RGPD1: variants seen among roughly 807,000 people sequenced by gnomAD.
RGPD1 encodes RANBP2-like and GRIP domain-containing protein 1.
RGPD1 carries 7 observed loss-of-function variants against 40.6 expected under a neutral mutation model. The ratio of observed to expected loss-of-function variants is 0.17; its 90% confidence interval spans 0.10 to 0.32. RGPD1 has a LOEUF of 0.32. Ranked by LOEUF, RGPD1 falls within the 10% of genes least tolerant of loss-of-function variation. The pLI is 1.00. For missense variants in RGPD1, 50 were observed against 472.5 expected (o/e 0.11, Z 8.29); for synonymous variants, 24 against 167.0 (o/e 0.14, Z 6.60).
intron 1 of RGPD1, among the ~76,000 whole-genome samples, chr2:86,932,025 A>G (rs1240102664): frequency 2.0e-5 from 3 of 148,332 alleles, no homozygotes; most frequent in African/African-American, 7.3e-5. Flanking sequence ...CAGAGAAGAT[A>G]ATAATATATT....
At position 86,993,169 on chromosome 2, in the gene RGPD1, C is replaced by T. The variant is rs551970584; in HGVS notation, c.4901-1672C>T. On this transcript the variant is annotated intron_variant, in intron 20 of 22. Coordinates refer to ENST00000641458, the MANE Select transcript of RGPD1 (RefSeq NM_001382344.1). ...AAAAAAAATCTAATAGGCCCAGTTTCCTCTCAGCAATCTTTGAAGAACCTT... is the reference window on the plus strand; with the variant it reads ...AAAAAAAATCTAATAGGCCCAGTTTTCTCTCAGCAATCTTTGAAGAACCTT... Among the ~76,000 whole-genome samples the T allele has an allele frequency of 2.6e-5, 4 of 152,286 alleles. No individual in the cohort carries two copies. The South Asian group carries it at 8.3e-4, about 32-fold the overall frequency.
chr2:86,930,753 A>C, intron 1 of RGPD1: 2 of 1,436,690 alleles, frequency 1.4e-6, no homozygotes, highest in Non-Finnish European at 1.9e-6. Context: ...GGCCCGAGCC[A>C]TACCTCCACC....
chr2:86,940,950 C>A (rs1679694456), upstream of RGPD1, among the ~76,000 whole-genome samples: 1 of 152,112 alleles, frequency 6.6e-6, no homozygotes, highest in Admixed American at 6.5e-5. Context: ...TCATCTTTTT[C>A]TTTTCTTTTA....
chr2:86,944,032 A>G (rs534521221), intron 1 of RGPD1, among the ~76,000 whole-genome samples: 2 of 152,210 alleles, frequency 1.3e-5, no homozygotes, highest in African/African-American at 4.8e-5. Context: ...AAAAAACCAA[A>G]AAACGGAAAC....
At chr2:86,929,578 A>G (rs1273704327) in intron 1 of RGPD1, among the ~76,000 whole-genome samples, 2 of 148,060 alleles carry the variant, frequency 1.4e-5, no homozygotes, top group Admixed American at 6.7e-5. Context: ...AGGTCCTATT[A>G]TTAGGCGCCC....
At chr2:86,923,077 T>G (rs1466171875) in intron 1 of RGPD1, among the ~76,000 whole-genome samples, 1 of 142,240 alleles carries the variant, frequency 7.0e-6, no homozygotes, top group Non-Finnish European at 1.5e-5. Context: ...TCGTTCTTGT[T>G]GCCCGGGATG....
intron 1 of RGPD1, among the ~76,000 whole-genome samples, chr2:86,945,709 C>T (rs1449902085): frequency 6.6e-6 from 1 of 151,224 alleles, no homozygotes; most frequent in African/African-American, 2.4e-5. Context: ...GAAAATCCGT[C>T]TCTATTAAAA....
rs1315932754 is a variant in RGPD1, at chr2:86,942,937, C to T, written c.72+629C>T. On this transcript the variant is annotated intron_variant, in intron 1 of 22. Transcript: ENST00000641458. ...TGCTCGCTCGTGGGCCCGCCCTGGC[C>T]CGGGCTTTCTGGCCCCATAGTACCC... is the stretch of plus-strand genomic sequence containing the variant. Among the ~76,000 whole-genome samples the T allele has an allele frequency of 6.6e-5, 10 of 152,080 alleles. 1 individual carries two copies. The East Asian group carries it at 1.9e-3, about 30-fold the overall frequency.
Position 86,942,126 on chromosome 2 carries a change from G to T in RGPD1, c.-111G>T. On this transcript the variant is annotated 5_prime_UTR_variant, in exon 1 of 23. Transcript: ENST00000641458. ...CGCAGTACACAAGTGCGTCACAGTG[G>T]TCCTCCGCCGGCTACGTCAGTGGCT... 7.0e-7 allele frequency: 1 copy of T among 1,430,370 alleles called. No homozygotes were observed. Among genetic ancestry groups the T allele is most frequent in the Non-Finnish European group, 9.4e-7 (1 of 1,060,856 alleles). The allele number at this position is 1,430,370 out of a possible 1,614,324, so 88.6% of individuals were successfully genotyped here. A position where few individuals can be genotyped will look rare whatever the true frequency, so the allele number is the denominator to read the frequency against.
intron 1 of RGPD1, among the ~76,000 whole-genome samples, chr2:86,932,977 G>T (rs1447343371): frequency 6.9e-6 from 1 of 145,584 alleles, no homozygotes; most frequent in Non-Finnish European, 1.5e-5. Flanking sequence ...TTGCTAGATT[G>T]TTCCTATGAT....
rs559080490 is a variant in RGPD1, at chr2:86,934,678, G to A, written c.73-16618G>A. 94 of 193,894 alleles carry A rather than the reference G, an allele frequency of 4.8e-4. 3 individuals are homozygous for A. In the East Asian group the frequency reaches 0.012, roughly 24 times the overall value. 12.0% of individuals were successfully genotyped at this position (193,894 alleles called of 1,614,324 possible). A position where few individuals can be genotyped will look rare whatever the true frequency, so the allele number is the denominator to read the frequency against. On this transcript the variant is annotated intron_variant, in intron 1 of 22. Transcript: ENST00000398193. ...AAGGCAGGATTTTCGATGAGCCCTC[G>A]GCAGTTAGGGTAAGCAGGTTTCAGC...
At chr2:86,913,978 C>CTGGCCGGGCGGCGGCCTCGACA in intron 1 of RGPD1, 1 of 1,098,228 alleles carries the variant, frequency 9.1e-7, no homozygotes, top group African/African-American at 2.0e-5. Flanking sequence ...TGGCCTCGAC[C>CTGGCCGGGCGGCGGCCTCGACA]TGGCCGGGCG....
intron 1 of RGPD1, among the ~76,000 whole-genome samples, chr2:86,942,631 G>A (rs1166598691): frequency 7.2e-6 from 1 of 138,258 alleles, no homozygotes; most frequent in Non-Finnish European, 1.6e-5. Context: ...GGCGCGCTCT[G>A]TTGAGGCGCC....
intron 1 of RGPD1, among the ~76,000 whole-genome samples, chr2:86,929,689 CT>C (rs753911867): frequency 0.027 from 1,408 of 52,626 alleles, 23 homozygotes; most frequent in Admixed American, 0.062. Flanking sequence ...AGCCCACACT[CT>C]TTTTTTTTTT....
chr2:86,940,940 T>C (rs1679692748), upstream of RGPD1, among the ~76,000 whole-genome samples: 1 of 152,232 alleles, frequency 6.6e-6, no homozygotes, highest in Non-Finnish European at 1.5e-5. Context: ...AAGCTCAGAA[T>C]CATCTTTTTC....
intron 8 of RGPD1, among the ~76,000 whole-genome samples, chr2:86,971,184 G>A (rs1210735986): frequency 3.9e-5 from 2 of 50,718 alleles, no homozygotes; most frequent in South Asian, 1.5e-3. Flanking sequence ...ACAGGCGCCC[G>A]CCACCAGGGC....
At chr2:86,938,615 TAAATA>T (rs1380875051), upstream of RGPD1, among the ~76,000 whole-genome samples, 4 of 150,456 alleles carry the variant, frequency 2.7e-5, no homozygotes, top group Admixed American at 6.6e-5. Context: ...AAAAAAAAAA[TAAATA>T]AATAAAAAGA....
intron 6 of RGPD1, among the ~76,000 whole-genome samples, chr2:86,959,974 G>C (rs1414497037): frequency 2.6e-3 from 33 of 12,734 alleles, no homozygotes; most frequent in Non-Finnish European, 3.4e-3. Context: ...TCGGCTCACT[G>C]CAAGCTTCAC....
chr2:86,928,449 T>C (rs1678665182), intron 1 of RGPD1, among the ~76,000 whole-genome samples: 1 of 152,094 alleles, frequency 6.6e-6, no homozygotes, highest in African/African-American at 2.4e-5. Context: ...AATGGGGGAT[T>C]AAACAGAGGA....
Sources: gnomAD v4.1 joint callset for allele counts (sites outside exome capture counted in the v4.1 genomes callset) on GRCh38, gnomAD v4.1.1 for gene constraint, MANE v1.5 for transcripts, NCBI Gene and HGNC (gene_info 2026-07-23, HGNC 2026-07-21) for gene names.